Variants in MAML2 observed in about 807,000 individuals in gnomAD.
The protein encoded by MAML2 is mastermind like transcriptional coactivator 2, also known as mastermind-like protein 2.
Under a neutral mutation model 96.1 loss-of-function variants are expected in MAML2, and 22 were observed. The ratio of observed to expected loss-of-function variants is 0.23; its 90% CI spans 0.16 to 0.33. The LOEUF is 0.33. Ranked by LOEUF, MAML2 falls within the 10% of genes least tolerant of loss-of-function variation. The probability of loss-of-function intolerance (pLI) is 1.00; values close to 1 mark genes in which losing one functional copy is unlikely to be tolerated. For missense variants in MAML2, 1,367 were observed against 1,392.4 expected (o/e 0.98, Z 0.29); for synonymous variants, 561 against 521.3 (o/e 1.08, Z -1.04).
At chr11:96,005,975 A>G (rs970788853) in intron 2 of MAML2, among the ~76,000 whole-genome samples, 4 of 152,226 alleles carry the variant, frequency 2.6e-5, no homozygotes, top group Admixed American at 6.5e-5. Context: ...TCTATTAGAC[A>G]TGGGAATCTA....
At chr11:96,202,462 A>G (rs1296770521) in intron 1 of MAML2, among the ~76,000 whole-genome samples, 2 of 152,166 alleles carry the variant, frequency 1.3e-5, no homozygotes, top group Non-Finnish European at 2.9e-5. Flanking sequence ...AGGATCAGGA[A>G]TGCGTTAGGA....
intron 4 of MAML2, among the ~76,000 whole-genome samples, chr11:95,981,532 T>C (rs1398953823): frequency 1.3e-5 from 2 of 150,668 alleles, no homozygotes; most frequent in Non-Finnish European, 2.9e-5. Flanking sequence ...TAAGGATACG[T>C]AGGTGGTATA....
At chr11:96,291,404 GGCATGA>G (rs1452386063) in intron 1 of MAML2, among the ~76,000 whole-genome samples, 4 of 152,090 alleles carry the variant, frequency 2.6e-5, no homozygotes, top group African/African-American at 7.2e-5. Flanking sequence ...TGGGATTACA[GGCATGA>G]GCCACTGCGC....
chr11:96,030,721 T>G (rs774806373), intron 2 of MAML2, among the ~76,000 whole-genome samples: 5 of 152,174 alleles, frequency 3.3e-5, no homozygotes, highest in Non-Finnish European at 5.9e-5. Flanking sequence ...CAGTGACCAT[T>G]GACCTGACAG....
intron 1 of MAML2, among the ~76,000 whole-genome samples, chr11:96,115,783 G>A (rs1860226114): frequency 6.6e-6 from 1 of 152,092 alleles, no homozygotes; most frequent in Admixed American, 6.5e-5. Context: ...CGGTGATAGT[G>A]GAGTAGATAC....
chr11:95,987,005 G>A (rs1857838506), intron 3 of MAML2, among the ~76,000 whole-genome samples: 1 of 152,184 alleles, frequency 6.6e-6, no homozygotes, highest in Non-Finnish European at 1.5e-5. Flanking sequence ...CACATCATGA[G>A]GGGTCACAGG....
At chr11:96,294,652 A>T in intron 1 of MAML2, among the ~76,000 whole-genome samples, 1 of 152,238 alleles carries the variant, frequency 6.6e-6, no homozygotes, top group Admixed American at 6.5e-5. Context: ...TAATTCCCAT[A>T]TAATTTTGAT....
At chr11:96,255,522 T>A (rs1414493617) in intron 1 of MAML2, among the ~76,000 whole-genome samples, 1 of 152,226 alleles carries the variant, frequency 6.6e-6, no homozygotes, top group Non-Finnish European at 1.5e-5. Context: ...GTGGACGATC[T>A]ATTTTCTCAC....
intron 2 of MAML2, among the ~76,000 whole-genome samples, chr11:96,004,037 G>A (rs1199505578): frequency 6.6e-6 from 1 of 152,154 alleles, no homozygotes; most frequent in East Asian, 1.9e-4. Flanking sequence ...TATTATATGA[G>A]TTGAATAAAC....
intron 2 of MAML2, among the ~76,000 whole-genome samples, chr11:95,997,651 C>T (rs927937237): frequency 7.2e-5 from 11 of 152,102 alleles, no homozygotes; most frequent in Admixed American, 5.9e-4. Flanking sequence ...GAATCATAAT[C>T]GCTTAGTGGG....
At chr11:96,236,590 A>T (rs1431157697) in intron 1 of MAML2, among the ~76,000 whole-genome samples, 1 of 152,192 alleles carries the variant, frequency 6.6e-6, no homozygotes, top group Non-Finnish European at 1.5e-5. Flanking sequence ...TTTAGAAAGC[A>T]CCATGAATGC....
chr11:96,032,414 C>T (rs971159237), intron 2 of MAML2, among the ~76,000 whole-genome samples: 3 of 151,736 alleles, frequency 2.0e-5, no homozygotes, highest in Non-Finnish European at 4.4e-5. Flanking sequence ...CATGGTGAAA[C>T]CCATCTCTAC....
At chr11:96,249,924 C>A (rs1231828847) in intron 1 of MAML2, among the ~76,000 whole-genome samples, 2 of 152,288 alleles carry the variant, frequency 1.3e-5, no homozygotes, top group African/African-American at 4.8e-5. Context: ...GTCTACAGAG[C>A]CCTACAAGGT....
chr11:96,062,641 T>A (rs188147355), intron 2 of MAML2, among the ~76,000 whole-genome samples: 3 of 152,338 alleles, frequency 2.0e-5, no homozygotes, highest in Admixed American at 2.0e-4. Context: ...CTGCTAATTT[T>A]ACCTCTTAGA....
At chr11:96,013,977 A>C (rs918381792) in intron 2 of MAML2, among the ~76,000 whole-genome samples, 2 of 152,326 alleles carry the variant, frequency 1.3e-5, no homozygotes, top group African/African-American at 4.8e-5. Flanking sequence ...ATAGACAGCA[A>C]ACTAAGAGAG....
intron 2 of MAML2, among the ~76,000 whole-genome samples, chr11:96,076,582 C>T (rs759902957): frequency 6.6e-6 from 1 of 152,096 alleles, no homozygotes; most frequent in Non-Finnish European, 1.5e-5. Context: ...GAATCCCATT[C>T]CCATGGAAGT....
chr11:96,335,659 C>G (rs2136020418), intron 1 of MAML2, among the ~76,000 whole-genome samples: 1 of 152,268 alleles, frequency 6.6e-6, no homozygotes. Flanking sequence ...AAATGTAATA[C>G]TTGTCTTCAA....
rs116457332 is a variant in MAML2 at position 96,281,975 on chromosome 11, C to A, written c.513+59408G>T. Among the ~76,000 whole-genome samples the A allele has an allele frequency of 9.9e-3, 1,504 of 152,180 alleles. 34 individuals are homozygous for A. Among genetic ancestry groups the A allele is most frequent in the African/African-American group, 0.034 (1,425 of 41,492 alleles). ...TGAAAAATAATGACTGTAGGCCAGG[C>A]GCGGTGGCTCATGCCTGTAATCCCA... On this transcript the variant is annotated intron_variant, in intron 1 of 4. Coordinates refer to ENST00000524717, the MANE Select transcript of MAML2 (RefSeq NM_032427.4).
chr11:96,278,288 AC>A (rs1193751053), intron 1 of MAML2, among the ~76,000 whole-genome samples: 1 of 152,152 alleles, frequency 6.6e-6, no homozygotes, highest in Admixed American at 6.5e-5. Flanking sequence ...CTGGGTAGTA[AC>A]TTCCCATGTG....
Sources: gnomAD v4.1 joint callset for allele counts (sites outside exome capture counted in the v4.1 genomes callset) on GRCh38, gnomAD v4.1.1 for gene constraint, MANE v1.5 for transcripts, NCBI Gene and HGNC (gene_info 2026-07-23, HGNC 2026-07-21) for gene names.